FKBP5: variants seen among roughly 807,000 people sequenced by gnomAD.
FKBP5 encodes peptidyl-prolyl cis-trans isomerase FKBP5.
In FKBP5, 23 loss-of-function variants were observed where a neutral mutation model predicts 50.5. That is an observed-to-expected ratio of 0.46 (90% CI 0.33 to 0.65). The LOEUF is 0.65. Ranked by LOEUF, FKBP5 falls within the 30% of genes least tolerant of loss-of-function variation. The probability of loss-of-function intolerance (pLI) is 0.02; values close to 1 mark genes in which losing one functional copy is unlikely to be tolerated. For synonymous variants in FKBP5, 176 were observed against 190.6 expected (o/e 0.92, Z 0.63); for missense variants, 411 against 553.1 (o/e 0.74, Z 2.58).
intron 1 of FKBP5, among the ~76,000 whole-genome samples, chr6:35,686,150 T>C (rs929669609): frequency 3.9e-4 from 60 of 152,274 alleles, no homozygotes; most frequent in African/African-American, 1.4e-3. Flanking sequence ...TGAGGGTAAA[T>C]GGCTTTAAAA....
chr6:35,668,895 C>T (rs1300371188), intron 1 of FKBP5, among the ~76,000 whole-genome samples: 1 of 152,012 alleles, frequency 6.6e-6, no homozygotes, highest in East Asian at 1.9e-4. Flanking sequence ...GAAAATGCAG[C>T]TCAACCAAGC....
intron 3 of FKBP5, among the ~76,000 whole-genome samples, chr6:35,633,224 A>C (rs889269091): frequency 1.3e-5 from 2 of 152,090 alleles, no homozygotes; most frequent in Non-Finnish European, 2.9e-5. Context: ...ATTTTGATAA[A>C]CTACCTAATG....
chr6:35,721,224 C>T (rs548068240), intron 1 of FKBP5, among the ~76,000 whole-genome samples: 13 of 151,968 alleles, frequency 8.6e-5, no homozygotes, highest in East Asian at 1.9e-4. Context: ...TGGTGGCAGG[C>T]GCCTGTAATC....
chr6:35,680,179 C>CT, intron 1 of FKBP5, among the ~76,000 whole-genome samples: 1 of 151,998 alleles, frequency 6.6e-6, no homozygotes, highest in South Asian at 2.1e-4. Context: ...ACCTGCAGTC[C>CT]TAACACTTTG....
chr6:35,592,864 C>A (rs1371916965), intron 6 of FKBP5, among the ~76,000 whole-genome samples: 1 of 133,658 alleles, frequency 7.5e-6, no homozygotes, highest in African/African-American at 2.5e-5. Flanking sequence ...CACGTGACAG[C>A]CCCCTATGAC....
At chr6:35,650,116 T>C (rs187784370) in intron 1 of FKBP5, among the ~76,000 whole-genome samples, 1 of 152,146 alleles carries the variant, frequency 6.6e-6, no homozygotes. Context: ...CCCAGTACTT[T>C]GGGATGTCAA....
chr6:35,723,791 G>A (rs1425547630), intron 1 of FKBP5, among the ~76,000 whole-genome samples: 3 of 152,210 alleles, frequency 2.0e-5, no homozygotes, highest in Non-Finnish European at 4.4e-5. Flanking sequence ...AGGCTGGCAC[G>A]GGCAGTGTGG....
At chr6:35,584,460 C>G (rs1045619870) in intron 8 of FKBP5, 2 of 985,358 alleles carry the variant, frequency 2.0e-6, no homozygotes, top group African/African-American at 3.5e-5. Context: ...ACCTACACAT[C>G]TGGACTCTGT....
chr6:35,701,955 C>G (rs758236211), intron 2 of FKBP5, among the ~76,000 whole-genome samples: 4 of 151,976 alleles, frequency 2.6e-5, no homozygotes, highest in Non-Finnish European at 5.9e-5. Context: ...TCAAGCAATT[C>G]TCATACCTCA....
intron 2 of FKBP5, among the ~76,000 whole-genome samples, chr6:35,709,838 A>G (rs1430530683): frequency 1.3e-5 from 2 of 151,756 alleles, no homozygotes; most frequent in African/African-American, 4.8e-5. Context: ...TCAGCAATAT[A>G]TATTGTGCAT....
At chr6:35,692,191 G>C (rs1766001417), upstream of FKBP5, among the ~76,000 whole-genome samples, 1 of 152,086 alleles carries the variant, frequency 6.6e-6, no homozygotes, top group African/African-American at 2.4e-5. Flanking sequence ...TATTACCCAG[G>C]CTGGCCTGGA....
intron 3 of FKBP5, among the ~76,000 whole-genome samples, chr6:35,620,545 A>T (rs1176553279): frequency 6.6e-6 from 1 of 151,258 alleles, no homozygotes; most frequent in East Asian, 1.9e-4. Context: ...CCTGGGCAAC[A>T]CAGCAAGACC....
rs756008610 is a variant in FKBP5 at position 35,705,143 on chromosome 6, A to AAAC, written c.-20+15182_-20+15184dup. 6.5e-4 allele frequency among the ~76,000 whole-genome samples: 96 copies of AAAC among 148,508 alleles called. 1 individual carries two copies. The highest frequency in any genetic ancestry group is 7.8e-4 in the African/African-American group (32 of 40,822). ...GCAACAGAGCAAGACTCCGTCTCAA[A>AAAC]AACAACAACAACAACAACAACAAAC... On this transcript the variant is annotated intron_variant, in intron 2 of 11. Transcript: ENST00000536438.
intron 2 of FKBP5, among the ~76,000 whole-genome samples, chr6:35,715,037 C>A (rs1027901870): frequency 2.0e-5 from 3 of 152,026 alleles, no homozygotes; most frequent in Non-Finnish European, 4.4e-5. Context: ...CCTCCCAAGT[C>A]TATAGGTGCA....
intron 3 of FKBP5, among the ~76,000 whole-genome samples, chr6:35,636,507 TG>T (rs1290161837): frequency 6.6e-6 from 1 of 152,096 alleles, no homozygotes; most frequent in Non-Finnish European, 1.5e-5. Context: ...CATCATACTT[TG>T]GGGGACAGAA....
chr6:35,682,905 T>TA (rs569511819), intron 1 of FKBP5, among the ~76,000 whole-genome samples: 6,683 of 122,654 alleles, frequency 0.054, 231 homozygotes, highest in African/African-American at 0.11. Context: ...CAATCTCTTT[T>TA]AAAAAAAAAA....
rs904685220 is a variant in FKBP5 at position 35,680,735 on chromosome 6, C to A, written c.-20+8069G>T. ...AAATAGCACCACCCAAAAACAACAA[C>A]CAGATTTGTATGCCTCCTCTTCTTT... On this transcript the variant is annotated intron_variant, in intron 1 of 10. Transcript: ENST00000357266. 3.3e-5 allele frequency among the ~76,000 whole-genome samples: 5 copies of A among 152,338 alleles called. No individual in the cohort carries two copies. In the East Asian group the frequency reaches 9.6e-4, roughly 29 times the overall value.
intron 2 of FKBP5, among the ~76,000 whole-genome samples, chr6:35,709,506 T>G (rs1766379280): frequency 6.6e-6 from 1 of 152,238 alleles, no homozygotes; most frequent in Non-Finnish European, 1.5e-5. Flanking sequence ...TTTTTCACCA[T>G]GTGCAAATAT....
In FKBP5 at chr6:35,620,115, A is replaced by G; in HGVS notation, c.393+17T>C. On this transcript the variant is annotated intron_variant, in intron 4 of 10. Coordinates refer to ENST00000357266, the MANE Select transcript of FKBP5 (RefSeq NM_004117.4). ...GTAGAGCAGATGCTGACAAGGCAAC[A>G]TCACACACATACTTGCCTCAAAAAA... The G allele has an allele frequency of 1.9e-6, 3 of 1,614,146 alleles. No individual in the cohort carries two copies. Among genetic ancestry groups the G allele is most frequent in the Non-Finnish European group, 2.5e-6 (3 of 1,179,986 alleles).
Sources: allele counts gnomAD v4.1 joint callset (sites outside exome capture counted in the v4.1 genomes callset), GRCh38; gene constraint gnomAD v4.1.1; transcripts MANE v1.5; gene names NCBI Gene and HGNC (gene_info 2026-07-23, HGNC 2026-07-21).